MMD2: variants seen among roughly 807,000 people sequenced by gnomAD.
The protein encoded by MMD2 is monocyte to macrophage differentiation factor 2.
Under a neutral mutation model 33.5 loss-of-function variants are expected in MMD2, and 30 were observed. The ratio of observed to expected loss-of-function variants is 0.90; its 90% confidence interval spans 0.67 to 1.22. The LOEUF (loss-of-function observed/expected upper bound fraction) is 1.22, where lower values mean the gene tolerates loss of function less well. Among genes scored for constraint, MMD2 ranks in the 50% most tolerant of loss-of-function variants. The pLI is 0.00. For missense variants in MMD2, 364 were observed against 325.4 expected, an observed-to-expected ratio of 1.12 and a Z score of -0.91; for synonymous variants, 129 against 123.0, an observed-to-expected ratio of 1.05 and a Z score of -0.32.
the MMD2 span, among the ~76,000 whole-genome samples, chr7:4,892,256 C>T: frequency 6.6e-5 from 10 of 152,054 alleles, no homozygotes; most frequent in Non-Finnish European, 1.5e-4. Flanking sequence ...ACGATAAATA[C>T]AAACAATTTT....
intron 6 of MMD2, among the ~76,000 whole-genome samples, chr7:4,909,333 C>A (rs1784946914): frequency 6.7e-6 from 1 of 149,694 alleles, no homozygotes; most frequent in Non-Finnish European, 1.5e-5. Context: ...AAGAAACACT[C>A]ATAGAATAGG....
intron 4 of MMD2, among the ~76,000 whole-genome samples, chr7:4,915,264 C>G (rs907843065): frequency 6.6e-6 from 1 of 151,222 alleles, no homozygotes; most frequent in Non-Finnish European, 1.5e-5. Flanking sequence ...GATCAAGACC[C>G]TGTCTCTTAA....
At position 4,906,109 on chromosome 7, in the gene MMD2, C is replaced by T. The variant is rs1463653329; in HGVS notation, c.*1287G>A. The T allele has an allele frequency of 1.1e-5, 2 of 177,364 alleles. No homozygotes were observed. Among genetic ancestry groups the T allele is most frequent in the Admixed American group, 1.3e-4 (2 of 15,976 alleles). 11.0% of individuals were successfully genotyped at this position (177,364 alleles called of 1,614,324 possible). Reference sequence around the variant, plus strand: ...GCATAAGGCATCCTGTCTGTGCCCACTCCACCCTGGTTGGGAGTCGCAGAA... The same window carrying T: ...GCATAAGGCATCCTGTCTGTGCCCATTCCACCCTGGTTGGGAGTCGCAGAA... On this transcript the variant is annotated 3_prime_UTR_variant, in exon 7 of 7. Transcript: ENST00000401401.
the MMD2 span, among the ~76,000 whole-genome samples, chr7:4,897,227 T>TAAAAAAA: frequency 3.4e-5 from 4 of 117,170 alleles, no homozygotes; most frequent in Non-Finnish European, 5.4e-5. Flanking sequence ...GTGTTATATT[T>TAAAAAAA]AAAAAAAAAA....
chr7:4,921,827 A>C (rs1413267286), intron 2 of MMD2, among the ~76,000 whole-genome samples: 2 of 152,126 alleles, frequency 1.3e-5, no homozygotes, highest in Non-Finnish European at 2.9e-5. Context: ...ATGGCTCCTT[A>C]ATAAGAGGCC....
intron 3 of MMD2, among the ~76,000 whole-genome samples, chr7:4,917,221 C>G (rs1785163739): frequency 6.6e-6 from 1 of 152,186 alleles, no homozygotes; most frequent in Admixed American, 6.6e-5. Context: ...TTCAGGAGTA[C>G]ATAACCTTGA....
At chr7:4,903,015 A>T (rs11486859), downstream of MMD2, among the ~76,000 whole-genome samples, 1,719 of 152,298 alleles carry the variant, frequency 0.011, 30 homozygotes, top group African/African-American at 0.04. Flanking sequence ...AGGCGGGCAG[A>T]TCACTTGAAG....
intron 3 of MMD2, 94 bp from the exon 4 acceptor site, chr7:4,916,173 T>A: frequency 8.3e-7 from 1 of 1,206,490 alleles, no homozygotes. Flanking sequence ...CGTGCCTGCC[T>A]ACAGGTTAGC....
At chr7:4,911,354 C>T (rs1243377111) in intron 4 of MMD2, 108 bp from the exon 5 acceptor site, 3 of 809,982 alleles carry the variant, frequency 3.7e-6, no homozygotes, top group East Asian at 5.4e-5. Context: ...GTCCTGTCAC[C>T]TGTGACTCCA....
downstream of MMD2, among the ~76,000 whole-genome samples, chr7:4,902,736 G>C (rs1021787302): frequency 6.6e-6 from 1 of 152,150 alleles, no homozygotes; most frequent in African/African-American, 2.4e-5. Context: ...TCGGCATCTG[G>C]TTACGCTGTA....
intron 1 of MMD2, among the ~76,000 whole-genome samples, chr7:4,941,762 C>T (rs191513246): frequency 1.4e-3 from 215 of 151,560 alleles, no homozygotes; most frequent in Admixed American, 2.6e-3. Flanking sequence ...AGGTAAATTG[C>T]ATGTCACGGG....
At chr7:4,958,835 C>A (rs559848189) in intron 1 of MMD2, 136 bp downstream of exon 1, 41 of 751,848 alleles carry the variant, frequency 5.5e-5, no homozygotes, top group Non-Finnish European at 7.1e-5. Flanking sequence ...CTGGTTTTCT[C>A]GGGCGGGGGT....
the MMD2 span, among the ~76,000 whole-genome samples, chr7:4,897,324 A>G: frequency 0.033 from 4,992 of 151,532 alleles, 267 homozygotes; most frequent in African/African-American, 0.12. Context: ...AATAATATTC[A>G]GCAGAGGGAT....
intron 2 of MMD2, among the ~76,000 whole-genome samples, chr7:4,922,171 A>G (rs1785303487): frequency 6.6e-6 from 1 of 152,124 alleles, no homozygotes; most frequent in South Asian, 2.1e-4. Context: ...GGTTGCAGAG[A>G]GCCAAGATCA....
intron 6 of MMD2, chr7:4,909,637 T>A: frequency 1.4e-6 from 1 of 691,664 alleles, no homozygotes; most frequent in Non-Finnish European, 2.6e-6. Context: ...GGTCTTGCTA[T>A]GTTGCCCAGG....
chr7:4,937,911 A>G (rs1785786623), intron 1 of MMD2, among the ~76,000 whole-genome samples: 1 of 151,404 alleles, frequency 6.6e-6, no homozygotes, highest in South Asian at 2.1e-4. Context: ...GGCCTCCCAA[A>G]GCACTGAGAT....
At chr7:4,924,149 A>G (rs2089968) in intron 2 of MMD2, among the ~76,000 whole-genome samples, 76,102 of 152,044 alleles carry the variant, frequency 0.5, 19,389 homozygotes, top group East Asian at 0.73. Context: ...CCGAGATCGC[A>G]CCACTGCACT....
chr7:4,951,918 G>A (rs1299684046), intron 1 of MMD2, among the ~76,000 whole-genome samples: 1 of 151,918 alleles, frequency 6.6e-6, no homozygotes, highest in Non-Finnish European at 1.5e-5. Context: ...GCCTTTTTTT[G>A]GAGAGTCAGG....
chr7:4,911,233 C>G lies in MMD2; in HGVS notation c.379G>C (p.Glu127Gln). The G allele has an allele frequency of 6.3e-7, 1 of 1,592,038 alleles. No individual in the cohort carries two copies. The highest frequency in any genetic ancestry group is 1.1e-5 in the South Asian group (1 of 87,318). Residue 127 changes from glutamate (E) to glutamine (Q), a missense_variant, in exon 5 of 7, where the codon GAG becomes CAG. By Grantham distance (29) the Glu-to-Gln change is conservative (BLOSUM62 2). Coordinates refer to ENST00000401401, the MANE Select transcript of MMD2 (RefSeq NM_198403.4). The stretch of plus-strand genomic sequence containing the variant: ...ATGTGGGAGGCCCAGGGGCCCAGCT[C>G]CCGAAGGTTCAGCCTGGGAGAGAAA... Reference protein sequence around the residue: ...ASYAPWLNLRELGPWASHMRW... With the variant: ...ASYAPWLNLRQLGPWASHMRW...
Sources: allele counts gnomAD v4.1 joint callset (sites outside exome capture counted in the v4.1 genomes callset), GRCh38; gene constraint gnomAD v4.1.1; transcripts MANE v1.5; gene names NCBI Gene and HGNC (gene_info 2026-07-23, HGNC 2026-07-21).